RIN3: variants seen among roughly 807,000 people sequenced by gnomAD.
The protein encoded by RIN3 is Ras and Rab interactor 3.
RIN3 carries 54 observed loss-of-function variants against 76.3 expected under a neutral mutation model. The observed-to-expected ratio is 0.71, with a 90% CI of 0.57 to 0.89. RIN3 has a LOEUF of 0.89. Ranked by LOEUF, RIN3 falls within the 40% of genes least tolerant of loss-of-function variation. RIN3 has a pLI of 0.00. For missense variants in RIN3, 1,256 were observed against 1,322.1 expected, an observed-to-expected ratio of 0.95 and a Z score of 0.78; for synonymous variants, 576 against 564.0, an observed-to-expected ratio of 1.02 and a Z score of -0.30.
chr14:92,652,040 G>A lies in RIN3; in HGVS notation c.991G>A (p.Asp331Asn). ...CACACCCCATGCCCCAGGTCCCCCA[G>A]ACCATCCGAACCAGCCGCCCATGAT... is the stretch of plus-strand genomic sequence containing the variant. The part of the protein sequence containing the change: ...HVTPHAPGPP[D>N]HPNQPPMMTC... Residue 331 changes from aspartate (D) to asparagine (N), a missense_variant, in exon 6 of 10, where the codon GAC becomes AAC. By Grantham distance (23) the Asp-to-Asn change is conservative. Transcript: ENST00000216487. The surrounding 1 kb of genome is among the most constrained non-coding windows in gnomAD (Gnocchi z 6.4). 6.6e-7 allele frequency: 1 copy of A among 1,524,160 alleles called. No homozygotes were observed. Among genetic ancestry groups the A allele is most frequent in the Non-Finnish European group, 8.8e-7 (1 of 1,139,614 alleles). The allele number at this position is 1,524,160 out of a possible 1,614,324, so 94.4% of individuals were successfully genotyped here.
intron 1 of RIN3, among the ~76,000 whole-genome samples, chr14:92,538,378 T>C (rs1330259337): frequency 2.0e-5 from 3 of 152,258 alleles, no homozygotes; most frequent in African/African-American, 7.2e-5. Flanking sequence ...GCCAGTTTCA[T>C]ATGGTACTAA....
intron 4 of RIN3, among the ~76,000 whole-genome samples, chr14:92,624,495 A>G (rs1212000234): frequency 6.6e-6 from 1 of 152,220 alleles, no homozygotes; most frequent in Non-Finnish European, 1.5e-5. Context: ...GCTAGCGGGA[A>G]ATCCTGTGAG....
In RIN3 at chr14:92,641,302, C is replaced by T. The variant is rs747508290; in HGVS notation, c.505C>T (p.Leu169Phe). ...CCTTGAGGCCAGCAGCTTCACGGACCTTGAGACCATCGCCAACCTGGGTCT... is the reference window on the plus strand; with the variant it reads ...CCTTGAGGCCAGCAGCTTCACGGACTTTGAGACCATCGCCAACCTGGGTCT... ...AILEASSFTD[L>F]ETIANLGLGF... Residue 169 changes from leucine to phenylalanine, a missense_variant, in exon 5 of 10, where the codon CTT (leucine) becomes TTT (phenylalanine). Leu to Phe is a conservative substitution (Grantham distance 22). Coordinates refer to ENST00000216487, the MANE Select transcript of RIN3 (RefSeq NM_024832.5). 2 of 1,614,108 alleles carry T rather than the reference C, an allele frequency of 1.2e-6. No individual in the cohort carries two copies. The highest frequency in any genetic ancestry group is 2.2e-5 in the East Asian group (1 of 44,878).
intron 8 of RIN3, among the ~76,000 whole-genome samples, chr14:92,683,660 A>G (rs113944190): frequency 3.9e-4 from 60 of 152,308 alleles, no homozygotes; most frequent in Admixed American, 7.8e-4. Context: ...CCTTCTCTAT[A>G]GAAAATGTAA....
chr14:92,525,571 C>T (rs186126909), intron 1 of RIN3, among the ~76,000 whole-genome samples: 174 of 152,106 alleles, frequency 1.1e-3, no homozygotes, highest in Non-Finnish European at 1.9e-3. Context: ...GAATGGGGCC[C>T]ACTAGGAGGC....
intron 3 of RIN3, among the ~76,000 whole-genome samples, chr14:92,611,545 A>G (rs568809794): frequency 9.7e-4 from 147 of 152,168 alleles, no homozygotes; most frequent in African/African-American, 3.4e-3. Context: ...GAGCCATCGC[A>G]GCCAGCCCAT....
intron 4 of RIN3, among the ~76,000 whole-genome samples, chr14:92,624,459 T>C (rs1436570546): frequency 6.6e-6 from 1 of 152,178 alleles, no homozygotes; most frequent in East Asian, 1.9e-4. Context: ...ATTCCTTTAG[T>C]AAAATGGATA....
chr14:92,665,550 T>G (rs1243301593), intron 7 of RIN3, among the ~76,000 whole-genome samples: 3 of 151,840 alleles, frequency 2.0e-5, no homozygotes, highest in Non-Finnish European at 4.4e-5. Flanking sequence ...GGCTAATTTT[T>G]TTTCGTATTT....
At chr14:92,627,117 G>T (rs1010333092) in intron 4 of RIN3, among the ~76,000 whole-genome samples, 4 of 152,172 alleles carry the variant, frequency 2.6e-5, no homozygotes, top group Non-Finnish European at 5.9e-5. Flanking sequence ...TATCAGAGGG[G>T]ATCTGACTAT....
chr14:92,655,751 C>T (rs796116547), intron 6 of RIN3, among the ~76,000 whole-genome samples: 27 of 152,342 alleles, frequency 1.8e-4, no homozygotes, highest in African/African-American at 5.5e-4. Flanking sequence ...AGCCACAGGA[C>T]TGGCTGGAGG....
Position 92,667,068 on chromosome 14 carries a change from T to C in RIN3, c.2335+7599T>C, listed in dbSNP as rs551294808. On this transcript the variant is annotated intron_variant, in intron 7 of 9. Transcript: ENST00000216487. ...ACAGAGTCAAGAGTCCACAGCTGGT[T>C]CAGGCAGGGGCAGCCGCAGAGGAAT... Among the ~76,000 whole-genome samples the C allele has an allele frequency of 9.9e-4, 150 of 152,094 alleles. 1 individual carries two copies. The highest frequency in any genetic ancestry group is 3.4e-3 in the Middle Eastern group (1 of 294).
At chr14:92,626,084 T>C (rs1886342580) in intron 4 of RIN3, among the ~76,000 whole-genome samples, 1 of 152,236 alleles carries the variant, frequency 6.6e-6, no homozygotes, top group Non-Finnish European at 1.5e-5. Flanking sequence ...CTTTTTCCTG[T>C]TGTATGTCAA....
At chr14:92,562,068 G>T (rs1897792533) in intron 2 of RIN3, among the ~76,000 whole-genome samples, 1 of 152,132 alleles carries the variant, frequency 6.6e-6, no homozygotes, top group African/African-American at 2.4e-5. Context: ...GGCTTTTCTT[G>T]GCTGTGACAT....
intron 1 of RIN3, among the ~76,000 whole-genome samples, chr14:92,524,757 C>T (rs1896684220): frequency 6.6e-6 from 1 of 152,200 alleles, no homozygotes; most frequent in Non-Finnish European, 1.5e-5. Context: ...ATTGGTGGCT[C>T]AGAGAGGGGA....
chr14:92,651,437 G>T, intron 5 of RIN3, 145 bp from the exon 6 acceptor site: 2 of 524,238 alleles, frequency 3.8e-6, no homozygotes, highest in South Asian at 4.2e-5. Context: ...GTCCAAGAGG[G>T]GAAAACAACC....
At chr14:92,630,574 G>C (rs1886539306) in intron 4 of RIN3, among the ~76,000 whole-genome samples, 1 of 152,232 alleles carries the variant, frequency 6.6e-6, no homozygotes, top group African/African-American at 2.4e-5. Context: ...GTTTGCTGGA[G>C]CAGCGACTTC....
In RIN3 at chr14:92,684,995, T is replaced by C; in HGVS notation, c.2476T>C (p.Tyr826His). The change falls in exon 9 of 10, where the codon TAT becomes CAT. Residue 826 changes from tyrosine (Y) to histidine (H), a missense_variant. Transcript: ENST00000216487. ...CACCCTTGTCCACGCAGGTTCCTAC[T>C]ATCTGACCACCACCTACGGGGCCCT... The part of the protein sequence containing the change: ...PALQLGEGSY[Y>H]LTTTYGALEH... 1 of 1,612,770 alleles carries C rather than the reference T, an allele frequency of 6.2e-7. No homozygotes were observed. The highest frequency in any genetic ancestry group is 8.5e-7 in the Non-Finnish European group (1 of 1,178,908).
intron 1 of RIN3, among the ~76,000 whole-genome samples, chr14:92,542,357 G>A (rs1041704945): frequency 6.6e-5 from 10 of 151,878 alleles, no homozygotes; most frequent in African/African-American, 2.2e-4. Context: ...AATCAAAACC[G>A]CAATGAGAAA....
At chr14:92,644,026 C>T (rs986308998) in intron 5 of RIN3, among the ~76,000 whole-genome samples, 19 of 151,938 alleles carry the variant, frequency 1.3e-4, no homozygotes, top group Admixed American at 3.9e-4. Flanking sequence ...CTGTCCTCAG[C>T]GGTTCTTGAG....
Sources: gnomAD v4.1 joint callset for allele counts (sites outside exome capture counted in the v4.1 genomes callset) on GRCh38, gnomAD v4.1.1 for gene constraint, Gnocchi (gnomAD v3.1) non-coding constraint, MANE v1.5 for transcripts, NCBI Gene and HGNC (gene_info 2026-07-23, HGNC 2026-07-21) for gene names.